ESR1: variants seen among roughly 807,000 people sequenced by gnomAD.
ESR1 encodes the protein estrogen receptor 1.
ESR1 carries 12 observed loss-of-function variants against 52.7 expected under a neutral mutation model. The observed-to-expected ratio is 0.23, with a 90% CI of 0.15 to 0.37. The LOEUF is 0.37. Among genes scored for constraint, ESR1 ranks in the 10% least tolerant of loss-of-function variants. ESR1 has a pLI of 1.00. For missense variants in ESR1, 584 were observed against 779.7 expected, an observed-to-expected ratio of 0.75 and a Z score of 2.99; for synonymous variants, 305 against 316.8, an observed-to-expected ratio of 0.96 and a Z score of 0.39.
intron 3 of ESR1, among the ~76,000 whole-genome samples, chr6:151,895,643 C>T (rs1050332887): frequency 3.3e-5 from 5 of 152,184 alleles, no homozygotes; most frequent in South Asian, 2.1e-4. Flanking sequence ...GCGATTATTG[C>T]GATGGTCATG....
intron 1 of ESR1, among the ~76,000 whole-genome samples, chr6:151,676,495 C>T (rs542239091): frequency 1.3e-5 from 2 of 152,266 alleles, no homozygotes; most frequent in South Asian, 2.1e-4. Flanking sequence ...TCCATCTTTT[C>T]GGAGATTTTT....
Position 151,808,011 on chromosome 6 carries a change from C to A in ESR1, c.99C>A (p.Ile33=), listed in dbSNP as rs562174818. 5.0e-6 allele frequency: 8 copies of A among 1,613,912 alleles called. No homozygotes were observed. The highest frequency in any genetic ancestry group is 6.8e-6 in the Non-Finnish European group (8 of 1,179,958). The change falls in exon 1 of 8, where the codon ATC becomes ATA. Residue 33 remains isoleucine (I), a synonymous_variant. Coordinates refer to ENST00000206249, the MANE Select transcript of ESR1 (RefSeq NM_000125.4). Reference sequence around the variant, plus strand: ...CCCTGAACCGTCCGCAGCTCAAGATCCCCCTGGAGCGGCCCCTGGGCGAGG... The same window carrying A: ...CCCTGAACCGTCCGCAGCTCAAGATACCCCTGGAGCGGCCCCTGGGCGAGG... The part of the protein sequence containing the change: ...LEPLNRPQLK[I]PLERPLGEVY...
chr6:151,858,598 T>TTAAAAAA (rs1788311990), intron 2 of ESR1, among the ~76,000 whole-genome samples: 1 of 148,938 alleles, frequency 6.7e-6, no homozygotes. Context: ...TTTTTTTTTT[T>TTAAAAAA]AAAGCATTTT....
Position 152,103,098 on chromosome 6 carries a change from C to T in ESR1, c.*4132C>T, listed in dbSNP as rs1375127871. 4.6e-6 allele frequency: 1 copy of T among 219,676 alleles called. No individual in the cohort carries two copies. The highest frequency in any genetic ancestry group is 2.2e-5 in the African/African-American group (1 of 44,498). 13.6% of individuals were successfully genotyped at this position (219,676 alleles called of 1,614,324 possible). On this transcript the variant is annotated 3_prime_UTR_variant, in exon 8 of 8. Coordinates refer to ENST00000206249, the MANE Select transcript of ESR1 (RefSeq NM_000125.4). ...ATTGTGTTTGATGGATTAATATGCC[C>T]TTTTGCCGATGCATACTATTACTGA...
intron 6 of ESR1, among the ~76,000 whole-genome samples, chr6:152,075,053 C>T (rs1452278003): frequency 1.3e-5 from 2 of 152,174 alleles, no homozygotes; most frequent in Non-Finnish European, 2.9e-5. Context: ...TTCTCATTCT[C>T]TGGAGATCAG....
At chr6:151,991,849 A>G (rs187906021) in intron 4 of ESR1, among the ~76,000 whole-genome samples, 7 of 152,160 alleles carry the variant, frequency 4.6e-5, no homozygotes, top group African/African-American at 1.7e-4. Context: ...TCAGTCAGAC[A>G]GGAGTGCCTT....
downstream of ESR1, among the ~76,000 whole-genome samples, chr6:152,105,657 C>T (rs2051056329): frequency 6.6e-6 from 1 of 151,902 alleles, no homozygotes; most frequent in Non-Finnish European, 1.5e-5. Flanking sequence ...AACTCCTGAC[C>T]TCAAGTGATC....
rs1308368524 is a variant in ESR1 at position 151,807,723 on chromosome 6, G to A, written c.-190G>A. On this transcript the variant is annotated 5_prime_UTR_variant, in exon 1 of 8. Transcript: ENST00000206249. The stretch of plus-strand genomic sequence containing the variant: ...TCGTCCTGGGACTGCACTTGCTCCC[G>A]TCGGGTCGCCCGGCTTCACCGGACC... 9 of 658,368 alleles carry A rather than the reference G, an allele frequency of 1.4e-5. No homozygotes were observed. In the East Asian group the frequency reaches 2.4e-4, roughly 18 times the overall value. 40.8% of individuals were successfully genotyped at this position (658,368 alleles called of 1,614,324 possible).
intron 3 of ESR1, among the ~76,000 whole-genome samples, chr6:151,942,465 G>C (rs1562574708): frequency 1.3e-5 from 2 of 152,044 alleles, no homozygotes; most frequent in Non-Finnish European, 2.9e-5. Context: ...GTGCTTCCAT[G>C]TAAAGTGTAT....
upstream of ESR1, among the ~76,000 whole-genome samples, chr6:151,806,273 A>G (rs183771837): frequency 3.9e-5 from 6 of 152,208 alleles, no homozygotes; most frequent in African/African-American, 1.4e-4. Context: ...CTATTTTTGT[A>G]AGAATTAGAT....
chr6:151,686,804 A>G (rs1478211219), upstream of ESR1, among the ~76,000 whole-genome samples: 1 of 152,188 alleles, frequency 6.6e-6, no homozygotes, highest in Non-Finnish European at 1.5e-5. Context: ...GATGGGAAAG[A>G]CCACCAGAGG....
At chr6:151,823,380 G>T (rs929961592) in intron 1 of ESR1, among the ~76,000 whole-genome samples, 4 of 152,138 alleles carry the variant, frequency 2.6e-5, no homozygotes, top group Admixed American at 1.3e-4. Context: ...TGACATTGCT[G>T]TCATTCAGAT....
At chr6:152,122,259 C>T (rs1035700861) in intron 6 of ESR1, 3 of 925,430 alleles carry the variant, frequency 3.2e-6, no homozygotes, top group African/African-American at 3.3e-5. Flanking sequence ...TCCCCCGTCA[C>T]TGTTTATCTT....
chr6:151,714,101 A>T lies in ESR1; in HGVS notation c.-71+12096A>T, dbSNP rs118190043. ...TCTGCCTTAATTCTGTCATTTACAC[A>T]GTAGTCATTCAGGAGCAGGTTATTC... is the stretch of plus-strand genomic sequence containing the variant. On this transcript the variant is annotated intron_variant, in intron 2 of 2. Coordinates refer to the ESR1 transcript ENST00000404742. Among the ~76,000 whole-genome samples, 42 of 152,332 alleles carry T rather than the reference A, an allele frequency of 2.8e-4. 1 individual carries two copies. In the East Asian group the frequency reaches 7.3e-3, roughly 27 times the overall value.
rs574485064 is a variant in ESR1 at position 152,009,695 on chromosome 6, C to T, written c.1097-1961C>T. Reference sequence around the variant, plus strand: ...GTTTCTTAAAAAGCTAAAACATCCACCTGGCATGCTATATACAGATATCCT... The same window carrying T: ...GTTTCTTAAAAAGCTAAAACATCCATCTGGCATGCTATATACAGATATCCT... On this transcript the variant is annotated intron_variant, in intron 4 of 7. Transcript: ENST00000206249. 2.0e-5 allele frequency among the ~76,000 whole-genome samples: 3 copies of T among 152,234 alleles called. No individual in the cohort carries two copies. The East Asian group carries it at 5.8e-4, about 29-fold the overall frequency.
chr6:151,842,539 A>G (rs1482750605), intron 1 of ESR1, 58 bp from the exon 2 acceptor site: 1 of 1,432,392 alleles, frequency 7.0e-7, no homozygotes, highest in Non-Finnish European at 9.7e-7. Context: ...TGCATCTCCC[A>G]GAGAGTGCAT....
intron 4 of ESR1, among the ~76,000 whole-genome samples, chr6:151,990,956 T>C (rs2040953843): frequency 1.3e-5 from 2 of 151,992 alleles, no homozygotes; most frequent in Admixed American, 6.6e-5. Flanking sequence ...AAAAGAAAAA[T>C]GACAAAGAAG....
chr6:151,718,927 A>G (rs1228653199), intron 2 of ESR1, among the ~76,000 whole-genome samples: 1 of 152,116 alleles, frequency 6.6e-6, no homozygotes, highest in African/African-American at 2.4e-5. Context: ...CATATTAGGC[A>G]GTGGGAGAAA....
intron 5 of ESR1, among the ~76,000 whole-genome samples, chr6:152,028,213 A>G (rs964370760): frequency 2.0e-5 from 3 of 152,200 alleles, no homozygotes; most frequent in Non-Finnish European, 1.5e-5. Context: ...AGCTCCCAGC[A>G]TGAGTGATGC....
Sources: allele counts gnomAD v4.1 joint callset (sites outside exome capture counted in the v4.1 genomes callset), GRCh38; gene constraint gnomAD v4.1.1; transcripts MANE v1.5; gene names NCBI Gene and HGNC (gene_info 2026-07-23, HGNC 2026-07-21).